LHFPL3: variants seen among roughly 807,000 people sequenced by gnomAD.
The protein encoded by LHFPL3 is LHFPL tetraspan subfamily member 3 protein.
A neutral mutation model predicts 19.3 loss-of-function variants in LHFPL3; 5 were observed. The observed-to-expected ratio is 0.26, with a 90% CI of 0.14 to 0.54. The LOEUF (loss-of-function observed/expected upper bound fraction) is 0.54, where lower values mean the gene tolerates loss of function less well. LHFPL3 is among the 20% of genes least tolerant of loss of function. The pLI, the probability that LHFPL3 is intolerant of heterozygous loss-of-function variation, is 0.94. For missense variants in LHFPL3, 249 were observed against 307.4 expected, an observed-to-expected ratio of 0.81 and a Z score of 1.42; for synonymous variants, 133 against 126.2, an observed-to-expected ratio of 1.05 and a Z score of -0.36.
chr7:104,840,244 C>T (rs1791171074), intron 2 of LHFPL3, among the ~76,000 whole-genome samples: 2 of 150,728 alleles, frequency 1.3e-5, no homozygotes, highest in Non-Finnish European at 3.0e-5. Context: ...TGAAAGACTT[C>T]TCAATTAAAA....
At chr7:104,824,288 A>C (rs1337101308) in intron 2 of LHFPL3, among the ~76,000 whole-genome samples, 1 of 15,598 alleles carries the variant, frequency 6.4e-5, no homozygotes, top group East Asian at 5.6e-3. Flanking sequence ...CAATATATAT[A>C]ATATATTATA....
In LHFPL3 at chr7:104,760,931, G is replaced by GAA. The variant is rs11451788; in HGVS notation, c.682+24032_682+24033dup. On this transcript the variant is annotated intron_variant, in intron 2 of 2. Coordinates refer to ENST00000424859, the MANE Select transcript of LHFPL3 (RefSeq NM_199000.3). ...CCAACTCCCAAACCCTATCACATCA[G>GAA]AAAAAAAAAAAAACATTACTTTGTG... Among the ~76,000 whole-genome samples the GAA allele has an allele frequency of 2.0e-3, 187 of 91,434 alleles. 1 individual carries two copies. The highest frequency in any genetic ancestry group is 2.4e-3 in the Non-Finnish European group (102 of 42,754). 60.0% of individuals were successfully genotyped at this position (91,434 alleles called of 152,430 possible).
intron 1 of LHFPL3, among the ~76,000 whole-genome samples, chr7:104,486,739 G>A (rs1793244276): frequency 1.3e-5 from 2 of 152,136 alleles, no homozygotes; most frequent in South Asian, 2.1e-4. Flanking sequence ...CTATTTTAAT[G>A]TTGCTGAGCT....
intron 2 of LHFPL3, among the ~76,000 whole-genome samples, chr7:104,847,693 A>C (rs922866680): frequency 1.3e-5 from 2 of 152,156 alleles, no homozygotes; most frequent in African/African-American, 4.8e-5. Flanking sequence ...TGTATTTTTA[A>C]TAGAGACGAG....
At chr7:104,576,644 G>T (rs1026775664) in intron 1 of LHFPL3, among the ~76,000 whole-genome samples, 6 of 151,742 alleles carry the variant, frequency 4.0e-5, no homozygotes, top group African/African-American at 1.2e-4. Context: ...GGGTTTTTTT[G>T]TTTGTTTGTT....
At chr7:104,830,018 C>A in intron 2 of LHFPL3, among the ~76,000 whole-genome samples, 1 of 151,938 alleles carries the variant, frequency 6.6e-6, no homozygotes, top group Admixed American at 6.6e-5. Context: ...TTAATGATCG[C>A]CATTCTAACT....
intron 1 of LHFPL3, among the ~76,000 whole-genome samples, chr7:104,647,534 C>T (rs1206894282): frequency 2.0e-5 from 3 of 152,114 alleles, no homozygotes; most frequent in African/African-American, 7.2e-5. Flanking sequence ...CAGGGTTATT[C>T]CACAACAAAT....
At chr7:104,432,478 G>A (rs142431672) in intron 1 of LHFPL3, among the ~76,000 whole-genome samples, 16 of 152,084 alleles carry the variant, frequency 1.1e-4, no homozygotes, top group East Asian at 3.9e-4. Flanking sequence ...TCCTGTTGGC[G>A]TCCAAGTCCT....
intron 1 of LHFPL3, among the ~76,000 whole-genome samples, chr7:104,420,044 T>C (rs923153489): frequency 1.3e-5 from 2 of 152,226 alleles, no homozygotes; most frequent in Admixed American, 1.3e-4. Flanking sequence ...TAAAGAGCTT[T>C]GGTTCTAACC....
intron 1 of LHFPL3, among the ~76,000 whole-genome samples, chr7:104,519,608 A>G (rs901491603): frequency 1.3e-5 from 2 of 152,026 alleles, no homozygotes; most frequent in African/African-American, 2.4e-5. Flanking sequence ...ATTCATTTGT[A>G]TTTACTCCTC....
At chr7:104,449,117 T>G (rs1035330927) in intron 1 of LHFPL3, among the ~76,000 whole-genome samples, 1 of 152,216 alleles carries the variant, frequency 6.6e-6, no homozygotes, top group African/African-American at 2.4e-5. Context: ...AGAAGTAGAC[T>G]TCTGAACTGA....
rs1245607642 is a variant in LHFPL3, at chr7:104,908,526, AT to A, written c.*2312del. Among the ~76,000 whole-genome samples the A allele has an allele frequency of 1.3e-5, 2 of 152,224 alleles. No individual in the cohort carries two copies. Among genetic ancestry groups the A allele is most frequent in the African/African-American group, 4.8e-5 (2 of 41,450 alleles). On this transcript the variant is annotated 3_prime_UTR_variant, in exon 3 of 3. Coordinates refer to ENST00000424859, the MANE Select transcript of LHFPL3 (RefSeq NM_199000.3). ...GGAATACCTGAATTTCTGTAAAAAAATAAAAATAAAAATAAGATTTTGTTAC... is the reference window on the plus strand; with the variant it reads ...GGAATACCTGAATTTCTGTAAAAAAAAAAAATAAAAATAAGATTTTGTTAC...
At chr7:104,335,641 T>C (rs1464781976) in intron 1 of LHFPL3, among the ~76,000 whole-genome samples, 1 of 152,164 alleles carries the variant, frequency 6.6e-6, no homozygotes. Context: ...AGTTTCCCAC[T>C]GTAAAAATAT....
chr7:104,499,226 A>T (rs1001188921), intron 1 of LHFPL3, among the ~76,000 whole-genome samples: 1 of 152,196 alleles, frequency 6.6e-6, no homozygotes, highest in Non-Finnish European at 1.5e-5. Context: ...TTTGCCATCA[A>T]CCTGTTGGGT....
intron 1 of LHFPL3, among the ~76,000 whole-genome samples, chr7:104,391,562 G>A (rs1298184728): frequency 6.6e-6 from 1 of 152,196 alleles, no homozygotes; most frequent in Non-Finnish European, 1.5e-5. Context: ...TTTGGTACCA[G>A]TACCATGCTG....
intron 2 of LHFPL3, among the ~76,000 whole-genome samples, chr7:104,867,107 G>A (rs1428420481): frequency 6.6e-6 from 1 of 152,190 alleles, no homozygotes; most frequent in African/African-American, 2.4e-5. Flanking sequence ...AGCACGAAAT[G>A]CCCACAAGAG....
rs1027921864 is a variant in LHFPL3 at position 104,868,557 on chromosome 7, G to T, written c.683-37630G>T. Reference sequence around the variant, plus strand: ...CTCTTCAAGGAGAACTACAAACCACGGCTCAATGAAATAAAAGAGGATACA... The same window carrying T: ...CTCTTCAAGGAGAACTACAAACCACTGCTCAATGAAATAAAAGAGGATACA... On this transcript the variant is annotated intron_variant, in intron 2 of 2. Transcript: ENST00000424859. Among the ~76,000 whole-genome samples, 213 of 152,008 alleles carry T rather than the reference G, an allele frequency of 1.4e-3. 3 individuals are homozygous for T. Among genetic ancestry groups the T allele is most frequent in the African/African-American group, 4.8e-3 (199 of 41,452 alleles).
chr7:104,395,877 T>C (rs1203841914), intron 1 of LHFPL3, among the ~76,000 whole-genome samples: 2 of 152,114 alleles, frequency 1.3e-5, no homozygotes, highest in East Asian at 1.9e-4. Context: ...AATAAAACTT[T>C]CCTTTTTATG....
At chr7:104,851,159 A>G (rs1406252120) in intron 2 of LHFPL3, among the ~76,000 whole-genome samples, 1 of 152,242 alleles carries the variant, frequency 6.6e-6, no homozygotes, top group Non-Finnish European at 1.5e-5. Context: ...TTACTTTGAC[A>G]CATTAGTTTT....
Sources: allele counts gnomAD v4.1 joint callset (sites outside exome capture counted in the v4.1 genomes callset), GRCh38; gene constraint gnomAD v4.1.1; transcripts MANE v1.5; gene names NCBI Gene and HGNC (gene_info 2026-07-23, HGNC 2026-07-21).